The following CHRM2 variants were observed in gnomAD, a reference collection of about 807,000 sequenced individuals.
CHRM2 encodes the protein muscarinic acetylcholine receptor M2.
In CHRM2, 8 loss-of-function variants were observed where a neutral mutation model predicts 25.0. That is an observed-to-expected ratio of 0.32 (90% CI 0.19 to 0.58). The LOEUF (loss-of-function observed/expected upper bound fraction) is 0.58. CHRM2 is among the 20% of genes least tolerant of loss of function. The pLI, the probability that CHRM2 is intolerant of heterozygous loss-of-function variation, is 0.88. For missense variants in CHRM2, 440 were observed against 567.1 expected (o/e 0.78, Z 2.28); for synonymous variants, 202 against 205.7 (o/e 0.98, Z 0.15).
chr7:136,944,737 G>A (rs948143323), intron 2 of CHRM2, among the ~76,000 whole-genome samples: 2 of 151,942 alleles, frequency 1.3e-5, no homozygotes, highest in African/African-American at 4.8e-5. Context: ...GTTCTTTAAG[G>A]AATCGCCACA....
intron 2 of CHRM2, among the ~76,000 whole-genome samples, chr7:136,909,993 A>AACAC (rs945574584): frequency 1.3e-5 from 2 of 151,210 alleles, no homozygotes; most frequent in Admixed American, 6.6e-5. Flanking sequence ...CACCCCCCCC[A>AACAC]ACACACACAC....
At chr7:136,899,361 C>T (rs543689502) in intron 2 of CHRM2, 1 of 152,120 alleles carries the variant, frequency 6.6e-6, no homozygotes, top group Non-Finnish European at 1.5e-5. Flanking sequence ...AATGCTCATC[C>T]AAGTAAAAAT....
intron 3 of CHRM2, among the ~76,000 whole-genome samples, chr7:137,012,334 A>C (rs543795511): frequency 1.3e-5 from 2 of 152,188 alleles, no homozygotes; most frequent in South Asian, 4.1e-4. Context: ...ATAAATTACC[A>C]TGAATATACA....
chr7:136,965,251 T>C (rs1801338506), intron 2 of CHRM2, among the ~76,000 whole-genome samples: 1 of 152,086 alleles, frequency 6.6e-6, no homozygotes, highest in South Asian at 2.1e-4. Context: ...GTGAGGGGAT[T>C]AAAACATCTG....
At chr7:136,921,094 A>C (rs1488564522) in intron 2 of CHRM2, among the ~76,000 whole-genome samples, 3 of 152,058 alleles carry the variant, frequency 2.0e-5, no homozygotes. Flanking sequence ...ACAGTGGTGG[A>C]AAACACCCTG....
chr7:136,910,475 A>G (rs1797782758), intron 2 of CHRM2, among the ~76,000 whole-genome samples: 1 of 151,908 alleles, frequency 6.6e-6, no homozygotes, highest in African/African-American at 2.4e-5. Flanking sequence ...CAAATGCTTT[A>G]TTGGCTCAGC....
chr7:136,914,063 T>C (rs376045751), intron 2 of CHRM2: 5 of 151,968 alleles, frequency 3.3e-5, no homozygotes, highest in African/African-American at 1.2e-4. Context: ...TAACTTCTTT[T>C]CTCTCCTGCC....
At position 136,921,794 on chromosome 7, in the gene CHRM2, C is replaced by CT. The variant is rs398006503; in HGVS notation, c.-125+52384dup. 2.1e-4 allele frequency among the ~76,000 whole-genome samples: 25 copies of CT among 116,630 alleles called. 1 individual carries two copies. Among genetic ancestry groups the CT allele is most frequent in the East Asian group, 4.0e-4 (2 of 4,940 alleles). 76.5% of individuals were successfully genotyped at this position (116,630 alleles called of 152,430 possible). On this transcript the variant is annotated intron_variant, in intron 2 of 3. Coordinates refer to ENST00000680005, the MANE Select transcript of CHRM2 (RefSeq NM_001006630.2). ...TCTTTCTTTCTTTCTTTCTTTCTTT[C>CT]TTTTTTTTGAGACAGATTCTCACTC... is the stretch of plus-strand genomic sequence containing the variant.
intron 2 of CHRM2, among the ~76,000 whole-genome samples, chr7:136,964,257 A>C (rs535738500): frequency 4.6e-5 from 7 of 152,286 alleles, no homozygotes; most frequent in African/African-American, 1.7e-4. Flanking sequence ...ATGAAAATTA[A>C]TAACTTTTAT....
Position 137,017,591 on chromosome 7 carries a change from C to T in CHRM2, c.*1325C>T, listed in dbSNP as rs1248153743. 2 of 151,976 alleles carry T rather than the reference C, an allele frequency of 1.3e-5. No homozygotes were observed. Among genetic ancestry groups the T allele is most frequent in the African/African-American group, 4.8e-5 (2 of 41,412 alleles). The allele number at this position is 151,976 out of a possible 1,614,324, so 9.4% of individuals were successfully genotyped here. A position where few individuals can be genotyped will look rare whatever the true frequency, so the allele number is the denominator to read the frequency against. On this transcript the variant is annotated 3_prime_UTR_variant, in exon 4 of 4. Coordinates refer to ENST00000680005, the MANE Select transcript of CHRM2 (RefSeq NM_001006630.2). ...GATATTTTAAAAACTATTACTGAAA[C>T]AATTACATATTCCATATTCCTCAAA... is the stretch of plus-strand genomic sequence containing the variant.
At chr7:136,943,204 AT>A (rs1799874235) in intron 2 of CHRM2, among the ~76,000 whole-genome samples, 1 of 152,166 alleles carries the variant, frequency 6.6e-6, no homozygotes, top group Non-Finnish European at 1.5e-5. Context: ...ACATCCAATC[AT>A]TAGAGAGGTT....
intron 2 of CHRM2, among the ~76,000 whole-genome samples, chr7:136,961,862 G>C (rs1035703109): frequency 1.2e-4 from 18 of 152,140 alleles, no homozygotes; most frequent in Non-Finnish European, 4.4e-5. Flanking sequence ...GAAGAAAGTA[G>C]AGGAGAAGGA....
intron 2 of CHRM2, among the ~76,000 whole-genome samples, chr7:136,935,804 G>A (rs1213765111): frequency 1.3e-5 from 2 of 152,112 alleles, no homozygotes; most frequent in African/African-American, 4.8e-5. Flanking sequence ...GGTTAGAACA[G>A]GGAACAACTC....
chr7:136,955,691 G>T (rs1800683970), intron 2 of CHRM2, among the ~76,000 whole-genome samples: 1 of 152,208 alleles, frequency 6.6e-6, no homozygotes, highest in South Asian at 2.1e-4. Context: ...TAGGCAGTTG[G>T]TTTTGCAGAA....
intron 2 of CHRM2, among the ~76,000 whole-genome samples, chr7:136,965,529 C>T (rs1563094988): frequency 6.6e-6 from 1 of 151,978 alleles, no homozygotes; most frequent in Admixed American, 6.6e-5. Context: ...AGAAAAGGCA[C>T]ACATAAAATT....
intron 2 of CHRM2, among the ~76,000 whole-genome samples, chr7:136,932,863 A>G (rs1346494511): frequency 6.6e-6 from 1 of 151,966 alleles, no homozygotes; most frequent in Non-Finnish European, 1.5e-5. Context: ...AACCTGGTCT[A>G]TACTAAAAAT....
At chr7:136,976,509 T>A (rs1802113696) in intron 2 of CHRM2, among the ~76,000 whole-genome samples, 1 of 152,142 alleles carries the variant, frequency 6.6e-6, no homozygotes, top group South Asian at 2.1e-4. Context: ...CTAAGATACT[T>A]GTGCAAGTAA....
chr7:136,917,166 T>A (rs1447106071), intron 2 of CHRM2, among the ~76,000 whole-genome samples: 2 of 151,984 alleles, frequency 1.3e-5, no homozygotes, highest in Non-Finnish European at 2.9e-5. Context: ...CTCACTTTTT[T>A]TTTTTTTGCT....
Position 137,019,225 on chromosome 7 carries a change from A to G in CHRM2, c.*2959A>G, listed in dbSNP as rs760692807. The G allele has an allele frequency of 2.6e-5, 4 of 151,942 alleles. No homozygotes were observed. Among genetic ancestry groups the G allele is most frequent in the Non-Finnish European group, 5.9e-5 (4 of 67,914 alleles). 9.4% of individuals were successfully genotyped at this position (151,942 alleles called of 1,614,324 possible). ...TATCAATGCAAATTCCTCACCTGTT[A>G]GAAAAAGGTAATACTCACCAACCAT... On this transcript the variant is annotated 3_prime_UTR_variant, in exon 4 of 4. Transcript: ENST00000680005.
Sources: allele counts gnomAD v4.1 joint callset (sites outside exome capture counted in the v4.1 genomes callset), GRCh38; gene constraint gnomAD v4.1.1; transcripts MANE v1.5; gene names NCBI Gene and HGNC (gene_info 2026-07-23, HGNC 2026-07-21).